ZNF66: variants seen among roughly 807,000 people sequenced by gnomAD.
ZNF66 encodes the protein zinc finger protein 66.
In ZNF66, 32 loss-of-function variants were observed where a neutral mutation model predicts 35.2. That is an observed-to-expected ratio of 0.91 (90% CI 0.69 to 1.22). The LOEUF is 1.22. ZNF66 is among the 50% of genes most tolerant of loss of function. The pLI is 0.00. For missense variants in ZNF66, 666 were observed against 543.1 expected (o/e 1.23, Z -2.25); for synonymous variants, 231 against 181.3 (o/e 1.27, Z -2.20).
intron 1 of ZNF66, among the ~76,000 whole-genome samples, chr19:20,788,877 G>A (rs1971311226): frequency 1.3e-5 from 2 of 151,682 alleles, no homozygotes; most frequent in Admixed American, 6.6e-5. Flanking sequence ...GTGGTGAAAC[G>A]CCGTCTCTAC....
chr19:20,804,727 G>A (rs1444568654), intron 3 of ZNF66, among the ~76,000 whole-genome samples: 1 of 152,074 alleles, frequency 6.6e-6, no homozygotes, highest in East Asian at 1.9e-4. Context: ...ACTTTATTCT[G>A]GCATAGTCTG....
At chr19:20,800,797 T>C (rs1484789119) in intron 3 of ZNF66, among the ~76,000 whole-genome samples, 3 of 152,228 alleles carry the variant, frequency 2.0e-5, no homozygotes, top group Non-Finnish European at 2.9e-5. Context: ...TTTTTCTTTA[T>C]AAATTATGCA....
Position 20,805,946 on chromosome 19 carries a change from G to C in ZNF66, c.346G>C (p.Gly116Arg). The C allele has an allele frequency of 1.4e-6, 1 of 695,720 alleles. No homozygotes were observed. 43.1% of individuals were successfully genotyped at this position (695,720 alleles called of 1,614,324 possible). The change falls in exon 4 of 4, where the codon GGC (glycine) becomes CGC (arginine). Residue 116 changes from glycine (G) to arginine (R), a missense_variant. Coordinates refer to ENST00000344519, the MANE Select transcript of ZNF66 (RefSeq NM_001355197.2). Reference protein sequence around the residue: ...CGHDNLQLKKGCESVDKCKVH... With the variant: ...CGHDNLQLKKRCESVDKCKVH... ...ACATGATAATTTGCAGTTAAAAAAA[G>C]GCTGTGAAAGTGTGGATAAGTGTAA...
chr19:20,788,821 G>A (rs888588717), intron 1 of ZNF66, among the ~76,000 whole-genome samples: 5 of 152,078 alleles, frequency 3.3e-5, no homozygotes, highest in African/African-American at 1.2e-4. Context: ...GGGGGTCTAA[G>A]GCAGGTGGAT....
chr19:20,804,076 T>C lies in ZNF66; in HGVS notation c.227-1751T>C, dbSNP rs141814544. 1.9e-3 allele frequency among the ~76,000 whole-genome samples: 295 copies of C among 152,246 alleles called. 2 individuals carry two copies. Among genetic ancestry groups the C allele is most frequent in the African/African-American group, 6.4e-3 (268 of 41,580 alleles). On this transcript the variant is annotated intron_variant, in intron 3 of 3. Coordinates refer to ENST00000344519, the MANE Select transcript of ZNF66 (RefSeq NM_001355197.2). ...TGTTTGTTATAAATATCTTGGTGTG[T>C]ACATTTTTAAAGAAATTTTCCAATT...
intron 1 of ZNF66, among the ~76,000 whole-genome samples, chr19:20,778,049 G>T (rs1300056281): frequency 6.6e-6 from 1 of 152,000 alleles, no homozygotes; most frequent in Non-Finnish European, 1.5e-5. Context: ...GATGAAACAT[G>T]GTACCTTCTA....
Position 20,808,898 on chromosome 19 carries a change from G to T in ZNF66, c.*1576G>T, listed in dbSNP as rs901676398. 6.6e-6 allele frequency among the ~76,000 whole-genome samples: 1 copy of T among 151,818 alleles called. No homozygotes were observed. The highest frequency in any genetic ancestry group is 1.5e-5 in the Non-Finnish European group (1 of 67,964). On this transcript the variant is annotated 3_prime_UTR_variant, in exon 4 of 4. Transcript: ENST00000344519. ...AGGCTTCAGACGATCAAACTACTCC[G>T]AGCTACAGGAGGAAATTCAAACCAA...
chr19:20,777,366 A>G (rs1971204830), intron 1 of ZNF66, among the ~76,000 whole-genome samples: 1 of 151,406 alleles, frequency 6.6e-6, no homozygotes, highest in South Asian at 2.1e-4. Context: ...ATGTAATTAG[A>G]GCTTAATTGG....
chr19:20,801,338 C>CATTTTATTTTATTTTATTTTATTTT lies in ZNF66; in HGVS notation c.227-4469_227-4468insATTTTATTTTATTTTATTTTATTTT, dbSNP rs924484396. ...ATTATGCATATATTCATTTATTATT[C>CATTTTATTTTATTTTATTTTATTTT]ATTTTATTTTATTTTATTTTTTGAG... On this transcript the variant is annotated intron_variant, in intron 3 of 3. Transcript: ENST00000344519. 6.5e-3 allele frequency among the ~76,000 whole-genome samples: 969 copies of CATTTTATTTTATTTTATTTTATTTT among 150,216 alleles called. 8 individuals are homozygous for CATTTTATTTTATTTTATTTTATTTT. Among genetic ancestry groups the CATTTTATTTTATTTTATTTTATTTT allele is most frequent in the African/African-American group, 9.1e-3 (369 of 40,536 alleles).
chr19:20,806,731 CT>C lies in ZNF66; in HGVS notation c.1134del (p.Phe378LeufsTer12). The C allele has an allele frequency of 1.4e-6, 2 of 1,385,644 alleles. No individual in the cohort carries two copies. The highest frequency in any genetic ancestry group is 1.0e-6 in the Non-Finnish European group (1 of 975,056). 85.8% of individuals were successfully genotyped at this position (1,385,644 alleles called of 1,614,324 possible). A position where few individuals can be genotyped will look rare whatever the true frequency, so the allele number is the denominator to read the frequency against. ...ACAAATGTGAAGAATGTGGTGAAGC[CT>C]TTAAGTACTCCTGTTCCCTTACTGC... ...PYKCEECGEA[F>X]KYSCSLTAHK... is the part of the protein sequence containing the mutation. On this transcript the variant is annotated frameshift_variant, in exon 4 of 4. Coordinates refer to ENST00000344519, the MANE Select transcript of ZNF66 (RefSeq NM_001355197.2). LOFTEE classifies it high-confidence loss of function.
intron 1 of ZNF66, among the ~76,000 whole-genome samples, chr19:20,776,958 T>C (rs372342244): frequency 1.6e-4 from 24 of 151,528 alleles, no homozygotes; most frequent in African/African-American, 5.8e-4. Flanking sequence ...CTACTAAAAA[T>C]ACAAAAATTA....
intron 1 of ZNF66, chr19:20,784,967 G>A (rs1971274502): frequency 6.5e-6 from 1 of 152,888 alleles, no homozygotes; most frequent in Non-Finnish European, 1.5e-5. Context: ...GTCTGAATGA[G>A]GTGGGTTGTC....
intron 3 of ZNF66, among the ~76,000 whole-genome samples, chr19:20,799,806 T>C (rs1384577729): frequency 6.6e-6 from 1 of 152,214 alleles, no homozygotes; most frequent in Non-Finnish European, 1.5e-5. Context: ...TGTCTTTGTG[T>C]ATCACATTGT....
At chr19:20,784,443 A>C (rs183223615) in intron 1 of ZNF66, among the ~76,000 whole-genome samples, 2 of 152,306 alleles carry the variant, frequency 1.3e-5, no homozygotes, top group East Asian at 3.9e-4. Flanking sequence ...CAATTTAGGT[A>C]TCTTTTATTT....
chr19:20,791,809 G>A (rs1221268865), intron 1 of ZNF66, among the ~76,000 whole-genome samples: 1 of 152,078 alleles, frequency 6.6e-6, no homozygotes, highest in Non-Finnish European at 1.5e-5. Flanking sequence ...TGATTCACTT[G>A]CTTAAATAGG....
At chr19:20,800,834 ATAAT>A (rs1241687972) in intron 3 of ZNF66, among the ~76,000 whole-genome samples, 2 of 152,186 alleles carry the variant, frequency 1.3e-5, no homozygotes, top group African/African-American at 2.4e-5. Context: ...TATATGCAAA[ATAAT>A]TAATATGGTC....
chr19:20,799,641 C>T (rs1039153250), intron 3 of ZNF66, among the ~76,000 whole-genome samples: 1 of 152,036 alleles, frequency 6.6e-6, no homozygotes, highest in Non-Finnish European at 1.5e-5. Flanking sequence ...AATAATCCAA[C>T]TTCATTTTAT....
At chr19:20,787,726 C>T (rs1159349277) in intron 1 of ZNF66, among the ~76,000 whole-genome samples, 1 of 152,202 alleles carries the variant, frequency 6.6e-6, no homozygotes, top group Non-Finnish European at 1.5e-5. Flanking sequence ...ATCAAGGCCA[C>T]AAAGTATCCA....
At chr19:20,802,702 T>A (rs889279716) in intron 3 of ZNF66, among the ~76,000 whole-genome samples, 32 of 152,058 alleles carry the variant, frequency 2.1e-4, no homozygotes, top group Admixed American at 1.4e-3. Context: ...TAGAAATAAT[T>A]GTTTTTTACT....
Sources: allele counts gnomAD v4.1 joint callset (sites outside exome capture counted in the v4.1 genomes callset), GRCh38; gene constraint gnomAD v4.1.1; transcripts MANE v1.5; gene names NCBI Gene and HGNC (gene_info 2026-07-23, HGNC 2026-07-21).